The following MYOZ2 variants were observed in gnomAD, a reference collection of about 807,000 sequenced individuals.
MYOZ2 encodes the protein myozenin 2.
In MYOZ2, 19 loss-of-function variants were observed where a neutral mutation model predicts 25.4. That is an observed-to-expected ratio of 0.75 (90% CI 0.52 to 1.10). The LOEUF is 1.10. Ranked by LOEUF, MYOZ2 falls within the 50% of genes least tolerant of loss-of-function variation. The pLI is 0.00. For synonymous variants in MYOZ2, 92 were observed against 106.9 expected (o/e 0.86, Z 0.86); for missense variants, 270 against 317.9 (o/e 0.85, Z 1.15).
At chr4:119,173,588 A>G (rs190540509) in intron 5 of MYOZ2, among the ~76,000 whole-genome samples, 122 of 152,328 alleles carry the variant, frequency 8.0e-4, no homozygotes, top group African/African-American at 2.8e-3. Flanking sequence ...TCTTCATTGT[A>G]TCTGTGGTAG....
chr4:119,162,498 T>G (rs1191507025), intron 4 of MYOZ2, among the ~76,000 whole-genome samples: 1 of 152,194 alleles, frequency 6.6e-6, no homozygotes, highest in Non-Finnish European at 1.5e-5. Context: ...CACCTGGACC[T>G]GACCCAGGGC....
At chr4:119,145,628 G>T (rs574326392) in intron 2 of MYOZ2, among the ~76,000 whole-genome samples, 1 of 151,434 alleles carries the variant, frequency 6.6e-6, no homozygotes, top group South Asian at 2.1e-4. Context: ...CCTGCCTCAG[G>T]CCTCCCAAAC....
intron 2 of MYOZ2, among the ~76,000 whole-genome samples, chr4:119,147,083 TATA>T (rs1418686879): frequency 6.6e-6 from 1 of 152,190 alleles, no homozygotes; most frequent in Non-Finnish European, 1.5e-5. Context: ...TTCACTTGCT[TATA>T]ATGTTATCAT....
At chr4:119,139,694 T>A (rs769303323) in intron 2 of MYOZ2, among the ~76,000 whole-genome samples, 1 of 152,138 alleles carries the variant, frequency 6.6e-6, no homozygotes, top group Non-Finnish European at 1.5e-5. Context: ...AATTGGAATT[T>A]TAAAAACCAT....
At chr4:119,169,890 G>T (rs940048160) in intron 5 of MYOZ2, among the ~76,000 whole-genome samples, 14 of 152,096 alleles carry the variant, frequency 9.2e-5, no homozygotes, top group Admixed American at 6.6e-4. Flanking sequence ...AAATCAAACT[G>T]CCCGCTCTGA....
chr4:119,164,118 C>T, intron 4 of MYOZ2, 93 bp from the exon 5 acceptor site: 1 of 1,225,666 alleles, frequency 8.2e-7, no homozygotes, highest in Non-Finnish European at 1.2e-6. Context: ...TAAATTTATC[C>T]CAGCATGAAA....
chr4:119,171,318 T>G (rs1435821702), intron 5 of MYOZ2, among the ~76,000 whole-genome samples: 1 of 152,122 alleles, frequency 6.6e-6, no homozygotes, highest in African/African-American at 2.4e-5. Context: ...CGTTAATAGT[T>G]ATTTTTATAC....
In MYOZ2 at chr4:119,185,151, G is replaced by A. The variant is rs114950856; in HGVS notation, c.561-815G>A. Among the ~76,000 whole-genome samples, 610 of 114,688 alleles carry A rather than the reference G, an allele frequency of 5.3e-3. 2 individuals carry two copies. The highest frequency in any genetic ancestry group is 0.019 in the African/African-American group (548 of 29,618). 75.2% of individuals were successfully genotyped at this position (114,688 alleles called of 152,430 possible). A position where few individuals can be genotyped will look rare whatever the true frequency, so the allele number is the denominator to read the frequency against. ...CCTTTCCTTTTCTTTTTTTCCTTTCGTTTCCTTTCCCTTCTCCTTTCCTTC... is the reference window on the plus strand; with the variant it reads ...CCTTTCCTTTTCTTTTTTTCCTTTCATTTCCTTTCCCTTCTCCTTTCCTTC... On this transcript the variant is annotated intron_variant, in intron 5 of 5. Coordinates refer to ENST00000307128, the MANE Select transcript of MYOZ2 (RefSeq NM_016599.5).
intron 2 of MYOZ2, among the ~76,000 whole-genome samples, chr4:119,146,382 A>G (rs1741293219): frequency 6.6e-6 from 1 of 151,852 alleles, no homozygotes; most frequent in Admixed American, 6.6e-5. Flanking sequence ...TATTCCTCTC[A>G]GCACTGTGTT....
intron 4 of MYOZ2, 72 bp from the exon 5 acceptor site, chr4:119,164,139 G>A (rs1741767150): frequency 3.6e-6 from 5 of 1,394,888 alleles, no homozygotes; most frequent in Non-Finnish European, 5.1e-6. Flanking sequence ...AATCAAACAT[G>A]GTAAAATGTT....
chr4:119,151,710 T>G lies in MYOZ2; in HGVS notation c.246+669T>G, dbSNP rs79298272. On this transcript the variant is annotated intron_variant, in intron 3 of 5. Transcript: ENST00000307128. ...TTGATAGTAGAAAGGCAACCAGCTT[T>G]GGGAAAATGGCTTTAAAATTCAAAT... Among the ~76,000 whole-genome samples the G allele has an allele frequency of 0.016, 2,475 of 152,286 alleles. 96 individuals are homozygous for G. In the East Asian group the frequency reaches 0.16, roughly 10 times the overall value.
intron 2 of MYOZ2, among the ~76,000 whole-genome samples, chr4:119,146,642 G>GT (rs1741307480): frequency 6.6e-6 from 1 of 152,078 alleles, no homozygotes; most frequent in Non-Finnish European, 1.5e-5. Flanking sequence ...TATAGCCCAG[G>GT]ATATGGTCTA....
At chr4:119,162,519 G>A (rs1741733784) in intron 4 of MYOZ2, among the ~76,000 whole-genome samples, 1 of 152,184 alleles carries the variant, frequency 6.6e-6, no homozygotes, top group African/African-American at 2.4e-5. Flanking sequence ...AGGAGTAACG[G>A]AAATGTAAAG....
chr4:119,151,350 A>G (rs113485701), intron 3 of MYOZ2, among the ~76,000 whole-genome samples: 2 of 152,268 alleles, frequency 1.3e-5, no homozygotes, highest in East Asian at 1.9e-4. Flanking sequence ...CCATGGTCTT[A>G]TCACAACCAG....
intron 4 of MYOZ2, 143 bp downstream of exon 4, chr4:119,158,294 G>C: frequency 8.7e-7 from 1 of 1,152,818 alleles, no homozygotes; most frequent in Non-Finnish European, 1.2e-6. Flanking sequence ...AGGCACGGTG[G>C]CTCCCAATCC....
chr4:119,170,369 AG>A (rs1175223729), intron 5 of MYOZ2, among the ~76,000 whole-genome samples: 3 of 152,110 alleles, frequency 2.0e-5, no homozygotes, highest in African/African-American at 7.2e-5. Context: ...TTACTATAAA[AG>A]TCAAAATATT....
rs143345726 is a variant in MYOZ2 at position 119,164,322 on chromosome 4, T to C, written c.488T>C (p.Leu163Ser). ...GCCATTAGCAATGATCCGGAGCTTT[T>C]AGAGGCTTTATATCCTAAACTTTTC... ...EQAISNDPEL[L>S]EALYPKLFKP... The change falls in exon 5 of 6, where the codon TTA (leucine) becomes TCA (serine). Residue 163 changes from leucine (L) to serine (S), a missense_variant. By Grantham distance (145) the Leu-to-Ser change is moderately radical. Transcript: ENST00000307128. 133 of 1,614,154 alleles carry C rather than the reference T, an allele frequency of 8.2e-5. No homozygotes were observed. The African/African-American group carries it at 1.7e-3, about 21-fold the overall frequency.
chr4:119,171,419 A>G (rs1202726813), intron 5 of MYOZ2, among the ~76,000 whole-genome samples: 1 of 151,966 alleles, frequency 6.6e-6, no homozygotes, highest in Non-Finnish European at 1.5e-5. Flanking sequence ...TAAAATTTTT[A>G]TTTCAAAAAA....
chr4:119,139,508 A>G (rs1741113073), intron 2 of MYOZ2, among the ~76,000 whole-genome samples: 1 of 152,142 alleles, frequency 6.6e-6, no homozygotes, highest in Non-Finnish European at 1.5e-5. Context: ...TATTAATCAT[A>G]TTTTTCTCTT....
Sources: allele counts gnomAD v4.1 joint callset (sites outside exome capture counted in the v4.1 genomes callset), GRCh38; gene constraint gnomAD v4.1.1; transcripts MANE v1.5; gene names NCBI Gene and HGNC (gene_info 2026-07-23, HGNC 2026-07-21).